The following PHLDB2 variants were observed in gnomAD, a reference collection of about 807,000 sequenced individuals.
PHLDB2 encodes pleckstrin homology like domain family B member 2, also known as pleckstrin homology-like domain family B member 2.
PHLDB2 carries 71 observed loss-of-function variants against 123.6 expected under a neutral mutation model. The ratio of observed to expected loss-of-function variants is 0.57; its 90% CI spans 0.47 to 0.70. The LOEUF (loss-of-function observed/expected upper bound fraction) is 0.70, where lower values mean the gene tolerates loss of function less well. Ranked by LOEUF, PHLDB2 falls within the 30% of genes least tolerant of loss-of-function variation. PHLDB2 has a pLI of 0.00. For missense variants in PHLDB2, 1,446 were observed against 1,519.5 expected, an observed-to-expected ratio of 0.95 and a Z score of 0.80; for synonymous variants, 547 against 541.6, an observed-to-expected ratio of 1.01 and a Z score of -0.14.
chr3:111,879,099 A>G (rs370181082), intron 1 of PHLDB2, among the ~76,000 whole-genome samples: 14 of 151,908 alleles, frequency 9.2e-5, no homozygotes, highest in Middle Eastern at 6.8e-3. Context: ...CTCTTTTTCT[A>G]TTGTCTGGAA....
chr3:111,911,641 T>G (rs1318217546), intron 2 of PHLDB2: 5 of 1,535,976 alleles, frequency 3.3e-6, no homozygotes, highest in Non-Finnish European at 4.4e-6. Flanking sequence ...GATGAGAGTG[T>G]GTAGCTATGA....
intron 1 of PHLDB2, among the ~76,000 whole-genome samples, chr3:111,832,390 CA>C (rs2063089114): frequency 1.4e-5 from 2 of 146,064 alleles, no homozygotes; most frequent in Non-Finnish European, 3.0e-5. Flanking sequence ...AAACAAAAAA[CA>C]AAAAAACAAA....
At chr3:111,782,903 C>G (rs2060535370) in intron 1 of PHLDB2, among the ~76,000 whole-genome samples, 1 of 152,030 alleles carries the variant, frequency 6.6e-6, no homozygotes, top group Admixed American at 6.6e-5. Context: ...TTAGGATTCT[C>G]TATATATACA....
chr3:111,732,926 T>C (rs1298579543), intron 1 of PHLDB2, among the ~76,000 whole-genome samples: 1 of 152,218 alleles, frequency 6.6e-6, no homozygotes, highest in Non-Finnish European at 1.5e-5. Context: ...CTCCTGTACG[T>C]ATTTCAGAAA....
intron 1 of PHLDB2, among the ~76,000 whole-genome samples, chr3:111,779,397 GC>G (rs1343124954): frequency 6.6e-6 from 1 of 151,818 alleles, no homozygotes; most frequent in Non-Finnish European, 1.5e-5. Flanking sequence ...TTCAGCCCTT[GC>G]CCCCCTCCTC....
At chr3:111,800,887 G>A (rs1463507258) in intron 1 of PHLDB2, among the ~76,000 whole-genome samples, 2 of 152,164 alleles carry the variant, frequency 1.3e-5, no homozygotes, top group Non-Finnish European at 2.9e-5. Context: ...AGATTTCTAA[G>A]AAGTTATGCC....
At chr3:111,834,831 C>A (rs1470836948) in intron 1 of PHLDB2, among the ~76,000 whole-genome samples, 1 of 151,970 alleles carries the variant, frequency 6.6e-6, no homozygotes, top group East Asian at 1.9e-4. Context: ...ACCTGATATC[C>A]CCTTGGCTAT....
intron 2 of PHLDB2, chr3:111,911,460 C>T (rs1402289817): frequency 2.0e-5 from 13 of 636,994 alleles, no homozygotes; most frequent in Non-Finnish European, 3.2e-5. Flanking sequence ...TGCATATGCC[C>T]ATGTAGACTT....
chr3:111,801,636 C>G (rs767472232), intron 1 of PHLDB2, among the ~76,000 whole-genome samples: 90 of 152,074 alleles, frequency 5.9e-4, no homozygotes, highest in Non-Finnish European at 1.3e-4. Flanking sequence ...AAACAATAAG[C>G]TACAATTGAG....
At chr3:111,900,342 C>G (rs1039386680) in intron 2 of PHLDB2, among the ~76,000 whole-genome samples, 1 of 152,156 alleles carries the variant, frequency 6.6e-6, no homozygotes, top group African/African-American at 2.4e-5. Flanking sequence ...TTTTGGCATG[C>G]CTTTCTCTCA....
rs1286432852 is a variant in PHLDB2 at position 111,967,820 on chromosome 3, C to T, written c.3311C>T (p.Ala1104Val). 1.2e-6 allele frequency: 2 copies of T among 1,606,750 alleles called. No homozygotes were observed. Among genetic ancestry groups the T allele is most frequent in the Admixed American group, 1.7e-5 (1 of 58,328 alleles). The change falls in exon 15 of 18, where the codon GCA becomes GTA. Residue 1104 changes from alanine to valine, a missense_variant. Physicochemically the swap from Ala to Val is moderately conservative, Grantham distance 64. Around this residue, in one of 3 missense-constraint regions of PHLDB2, gnomAD observed 594 missense variants for 646.0 expected, o/e 0.92. Transcript: ENST00000431670. ...KEVKIRERQR[A>V]QARPLTRYLP... ...GTAAAAATAAGGGAGAGACAAAGGGCACAGGTTGGTCGGTCAATCTGAATG... is the reference window on the plus strand; with the variant it reads ...GTAAAAATAAGGGAGAGACAAAGGGTACAGGTTGGTCGGTCAATCTGAATG...
At chr3:111,834,989 A>C (rs1388909475) in intron 1 of PHLDB2, among the ~76,000 whole-genome samples, 5 of 152,216 alleles carry the variant, frequency 3.3e-5, no homozygotes, top group African/African-American at 1.2e-4. Context: ...ATTTTCCATG[A>C]GTCCCTAATG....
chr3:111,775,018 G>A (rs1205766489), intron 1 of PHLDB2, among the ~76,000 whole-genome samples: 7 of 152,142 alleles, frequency 4.6e-5, no homozygotes, highest in Non-Finnish European at 7.3e-5. Flanking sequence ...AGCACAATGT[G>A]TGGTATAAAG....
At chr3:111,803,471 C>T (rs1414224310) in intron 1 of PHLDB2, among the ~76,000 whole-genome samples, 1 of 152,030 alleles carries the variant, frequency 6.6e-6, no homozygotes, top group Admixed American at 6.5e-5. Context: ...TAGTGACAGC[C>T]CCACCCCCAC....
At chr3:111,806,005 A>G (rs1462158092) in intron 1 of PHLDB2, among the ~76,000 whole-genome samples, 2 of 148,674 alleles carry the variant, frequency 1.3e-5, no homozygotes, top group African/African-American at 2.5e-5. Context: ...AGAGTTATCA[A>G]TTGGATACTT....
At chr3:111,772,528 C>T (rs1362718363) in intron 1 of PHLDB2, among the ~76,000 whole-genome samples, 9 of 152,116 alleles carry the variant, frequency 5.9e-5, no homozygotes. Context: ...GCTCTCTCCA[C>T]TCTCTGGTCC....
At chr3:111,743,033 CG>C (rs1559807800) in intron 1 of PHLDB2, among the ~76,000 whole-genome samples, 1 of 152,104 alleles carries the variant, frequency 6.6e-6, no homozygotes, top group East Asian at 1.9e-4. Context: ...AAGTTTCAGA[CG>C]GGTGCTCCCC....
intron 1 of PHLDB2, among the ~76,000 whole-genome samples, chr3:111,831,331 G>T (rs1341352986): frequency 6.6e-6 from 1 of 151,984 alleles, no homozygotes. Flanking sequence ...ATTCATCATT[G>T]GGCTTTGAAG....
chr3:111,785,897 A>G (rs2060661941), intron 1 of PHLDB2, among the ~76,000 whole-genome samples: 1 of 152,172 alleles, frequency 6.6e-6, no homozygotes, highest in Admixed American at 6.6e-5. Flanking sequence ...AGAGATTTAT[A>G]TTGACATGAA....
Sources: allele counts gnomAD v4.1 joint callset (sites outside exome capture counted in the v4.1 genomes callset), GRCh38; gene constraint gnomAD v4.1.1; regional missense constraint gnomAD v4.1.1; transcripts MANE v1.5; gene names NCBI Gene and HGNC (gene_info 2026-07-23, HGNC 2026-07-21).